Variants in RBFOX1 observed in about 807,000 individuals in gnomAD.
RBFOX1 encodes the protein RNA binding fox-1 homolog 1.
Under a neutral mutation model 57.7 loss-of-function variants are expected in RBFOX1, and 8 were observed. The ratio of observed to expected loss-of-function variants is 0.14; its 90% CI spans 0.08 to 0.25. The LOEUF (loss-of-function observed/expected upper bound fraction) is 0.25. Among genes scored for constraint, RBFOX1 ranks in the 10% least tolerant of loss-of-function variants. The probability of loss-of-function intolerance (pLI) is 1.00; values close to 1 mark genes in which losing one functional copy is unlikely to be tolerated. For synonymous variants in RBFOX1, 326 were observed against 222.4 expected (o/e 1.47, Z -4.15); for missense variants, 611 against 548.5 (o/e 1.11, Z -1.14).
chr16:5,478,895 T>G (rs1446347707), intron 2 of RBFOX1, among the ~76,000 whole-genome samples: 1 of 152,206 alleles, frequency 6.6e-6, no homozygotes, highest in African/African-American at 2.4e-5. Flanking sequence ...CCTCTCTGTC[T>G]GTATTTGGGT....
chr16:5,424,802 G>A (rs1301768657), intron 1 of RBFOX1, among the ~76,000 whole-genome samples: 1 of 151,520 alleles, frequency 6.6e-6, no homozygotes, highest in Non-Finnish European at 1.5e-5. Context: ...GGCTCATGGT[G>A]TCTGTTTTCT....
intron 1 of RBFOX1, among the ~76,000 whole-genome samples, chr16:6,075,374 G>T (rs1597042499): frequency 6.6e-6 from 1 of 152,150 alleles, no homozygotes; most frequent in Non-Finnish European, 1.5e-5. Context: ...TATTCTTTAT[G>T]TGCTAGGTGC....
chr16:5,922,070 A>C (rs1050310870), intron 4 of RBFOX1, among the ~76,000 whole-genome samples: 9 of 152,060 alleles, frequency 5.9e-5, no homozygotes, highest in African/African-American at 2.2e-4. Flanking sequence ...CTGAAGTAGG[A>C]GGATCACTTG....
intron 1 of RBFOX1, among the ~76,000 whole-genome samples, chr16:5,385,206 C>T (rs186273847): frequency 5.3e-5 from 8 of 152,308 alleles, no homozygotes; most frequent in Admixed American, 5.2e-4. Flanking sequence ...TGCAGGGTTA[C>T]ACACTGGAAA....
chr16:6,928,173 C>T (rs1440655568), intron 3 of RBFOX1, among the ~76,000 whole-genome samples: 2 of 152,100 alleles, frequency 1.3e-5, no homozygotes, highest in African/African-American at 4.8e-5. Context: ...TGTGCATTGG[C>T]ATTGCATGGG....
At chr16:6,878,304 A>G (rs1170306705) in intron 3 of RBFOX1, among the ~76,000 whole-genome samples, 1 of 152,184 alleles carries the variant, frequency 6.6e-6, no homozygotes, top group Non-Finnish European at 1.5e-5. Flanking sequence ...CTAATGAACT[A>G]TAAATGAAAG....
intron 3 of RBFOX1, among the ~76,000 whole-genome samples, chr16:6,784,447 A>G (rs1027247353): frequency 9.9e-5 from 15 of 151,944 alleles, no homozygotes; most frequent in African/African-American, 3.6e-4. Context: ...CAGCTCTGCA[A>G]TTTCTGTTTG....
chr16:7,109,021 G>C (rs1399268705), intron 4 of RBFOX1, among the ~76,000 whole-genome samples: 2 of 152,140 alleles, frequency 1.3e-5, no homozygotes, highest in Admixed American at 1.3e-4. Flanking sequence ...AAAGAGGGCA[G>C]TATACGTGCA....
At chr16:5,317,880 T>G (rs1284728159) in intron 1 of RBFOX1, among the ~76,000 whole-genome samples, 1 of 152,184 alleles carries the variant, frequency 6.6e-6, no homozygotes, top group African/African-American at 2.4e-5. Context: ...TTTACAAAAT[T>G]TTTATCATCT....
intron 1 of RBFOX1, among the ~76,000 whole-genome samples, chr16:6,041,099 C>G (rs562063873): frequency 6.6e-6 from 1 of 152,156 alleles, no homozygotes; most frequent in Non-Finnish European, 1.5e-5. Flanking sequence ...TCCTGTACTT[C>G]ACTTATTCTT....
chr16:7,403,464 T>G (rs766859122), intron 4 of RBFOX1, among the ~76,000 whole-genome samples: 83 of 152,142 alleles, frequency 5.5e-4, no homozygotes, highest in Non-Finnish European at 7.1e-4. Context: ...AGATCCTGCA[T>G]GTAAGTGAGA....
intron 4 of RBFOX1, among the ~76,000 whole-genome samples, chr16:7,437,453 G>A (rs1026144482): frequency 5.9e-5 from 9 of 152,086 alleles, no homozygotes; most frequent in Non-Finnish European, 8.8e-5. Context: ...CTGTTGGCGC[G>A]TTATTAATGT....
chr16:6,241,591 C>A (rs1189393969), intron 1 of RBFOX1, among the ~76,000 whole-genome samples: 1 of 152,118 alleles, frequency 6.6e-6, no homozygotes, highest in African/African-American at 2.4e-5. Context: ...AAATGAACAG[C>A]CTGTGAATTA....
chr16:6,753,353 G>A (rs1332838957), intron 3 of RBFOX1, among the ~76,000 whole-genome samples: 1 of 152,100 alleles, frequency 6.6e-6, no homozygotes, highest in Admixed American at 6.6e-5. Context: ...GGAAAAATAT[G>A]GTACAAAAGT....
At chr16:6,611,389 C>G (rs376809833) in intron 2 of RBFOX1, among the ~76,000 whole-genome samples, 12 of 152,170 alleles carry the variant, frequency 7.9e-5, no homozygotes, top group East Asian at 3.9e-4. Context: ...TCAGGTGATC[C>G]ATCTGCCTCA....
chr16:6,873,104 T>G (rs1452277344), intron 3 of RBFOX1, among the ~76,000 whole-genome samples: 1 of 151,786 alleles, frequency 6.6e-6, no homozygotes, highest in East Asian at 1.9e-4. Context: ...ATTTCTTACT[T>G]GAGAAACTTT....
rs115208960 is a variant in RBFOX1 at position 6,912,660 on chromosome 16, G to C, written c.-15-139397G>C. ...TTGCAAGGTCTCACTGTGTCATCCA[G>C]GCTGGAGTACAGTGGCATGATCATA... is the stretch of plus-strand genomic sequence containing the variant. On this transcript the variant is annotated intron_variant, in intron 3 of 15. Coordinates refer to ENST00000550418, the MANE Select transcript of RBFOX1 (RefSeq NM_018723.4). Among the ~76,000 whole-genome samples the C allele has an allele frequency of 9.6e-3, 1,454 of 151,294 alleles. 28 individuals are homozygous for C. Among genetic ancestry groups the C allele is most frequent in the African/African-American group, 0.034 (1,382 of 41,232 alleles).
chr16:6,248,916 A>G (rs1435764799), intron 1 of RBFOX1, among the ~76,000 whole-genome samples: 2 of 152,160 alleles, frequency 1.3e-5, no homozygotes, highest in African/African-American at 4.8e-5. Context: ...ATTTGCTGTT[A>G]TTACTTGCAT....
intron 4 of RBFOX1, among the ~76,000 whole-genome samples, chr16:7,120,670 A>G (rs914714041): frequency 3.4e-5 from 5 of 146,702 alleles, no homozygotes; most frequent in African/African-American, 1.3e-4. Context: ...TTCATTGGCT[A>G]TTCCACCAAA....
Sources: gnomAD v4.1 joint callset for allele counts (sites outside exome capture counted in the v4.1 genomes callset) on GRCh38, gnomAD v4.1.1 for gene constraint, MANE v1.5 for transcripts, NCBI Gene and HGNC (gene_info 2026-07-23, HGNC 2026-07-21) for gene names.